The following RGS7 variants were observed in gnomAD, a reference collection of about 807,000 sequenced individuals.
RGS7 encodes the protein regulator of G protein signaling 7, also known as regulator of G-protein signaling 7.
Under a neutral mutation model 81.1 loss-of-function variants are expected in RGS7, and 27 were observed. That is an observed-to-expected ratio of 0.33 (90% CI 0.25 to 0.46). The LOEUF (loss-of-function observed/expected upper bound fraction) is 0.46. Among genes scored for constraint, RGS7 ranks in the 20% least tolerant of loss-of-function variants. RGS7 has a pLI of 1.00. For missense variants in RGS7, 396 were observed against 607.4 expected (o/e 0.65, Z 3.66); for synonymous variants, 208 against 207.7 (o/e 1.00, Z -0.01).
At chr1:240,916,155 G>T (rs1672576186) in intron 6 of RGS7, among the ~76,000 whole-genome samples, 1 of 148,928 alleles carries the variant, frequency 6.7e-6, no homozygotes, top group South Asian at 2.1e-4. Context: ...GCTCATGCTT[G>T]TAATGCCAGC....
chr1:241,221,814 G>A (rs1195023440), intron 2 of RGS7, among the ~76,000 whole-genome samples: 1 of 152,056 alleles, frequency 6.6e-6, no homozygotes, highest in Non-Finnish European at 1.5e-5. Context: ...CAAAGTTCTG[G>A]CCTATTCTAT....
intron 3 of RGS7, among the ~76,000 whole-genome samples, chr1:241,094,238 A>AACACACAC (rs149481776): frequency 0.017 from 2,282 of 136,430 alleles, 71 homozygotes; most frequent in African/African-American, 0.056. Context: ...GACATACATA[A>AACACACAC]ACACACACAC....
intron 2 of RGS7, among the ~76,000 whole-genome samples, chr1:241,349,617 CAGAA>C (rs2083110065): frequency 6.6e-6 from 1 of 152,170 alleles, no homozygotes. Flanking sequence ...GGGCAAATGG[CAGAA>C]AGAAGTGGGC....
At chr1:240,976,870 T>TCTAC (rs1243272740) in intron 4 of RGS7, among the ~76,000 whole-genome samples, 1 of 150,272 alleles carries the variant, frequency 6.7e-6, no homozygotes, top group African/African-American at 2.4e-5. Flanking sequence ...CCATCCATCA[T>TCTAC]CTATCTGTCT....
At chr1:240,945,152 C>T (rs1403066534) in intron 4 of RGS7, among the ~76,000 whole-genome samples, 1 of 152,228 alleles carries the variant, frequency 6.6e-6, no homozygotes, top group Non-Finnish European at 1.5e-5. Flanking sequence ...TTATTTTTGC[C>T]TCCTTGTGTC....
intron 6 of RGS7, among the ~76,000 whole-genome samples, chr1:240,928,422 G>C (rs1674835531): frequency 6.6e-6 from 1 of 152,100 alleles, no homozygotes; most frequent in Non-Finnish European, 1.5e-5. Context: ...TTTAAGAGAT[G>C]TTCTGTAAAT....
chr1:240,954,274 AC>A (rs2148447018), intron 4 of RGS7, among the ~76,000 whole-genome samples: 1 of 152,216 alleles, frequency 6.6e-6, no homozygotes, highest in African/African-American at 2.4e-5. Context: ...TTAACTTAAT[AC>A]TAAAGTCAGA....
chr1:240,845,674 T>C (rs914483297), intron 9 of RGS7, among the ~76,000 whole-genome samples: 2 of 152,232 alleles, frequency 1.3e-5, no homozygotes, highest in African/African-American at 4.8e-5. Context: ...ATAAGTGGTA[T>C]GATAAATCTA....
chr1:241,109,054 A>G (rs977166729), intron 2 of RGS7, among the ~76,000 whole-genome samples: 4 of 152,152 alleles, frequency 2.6e-5, no homozygotes, highest in African/African-American at 9.7e-5. Flanking sequence ...CCTGGGAACA[A>G]GTTTAAATAT....
chr1:240,913,773 A>G (rs1450024612), intron 6 of RGS7, among the ~76,000 whole-genome samples: 3 of 151,708 alleles, frequency 2.0e-5, no homozygotes, highest in African/African-American at 4.9e-5. Context: ...GTTATCCCAG[A>G]GCATCTGTAA....
intron 6 of RGS7, among the ~76,000 whole-genome samples, chr1:240,898,691 C>T (rs966220514): frequency 4.7e-4 from 72 of 152,238 alleles, no homozygotes; most frequent in African/African-American, 1.7e-3. Context: ...CTGAGGAGTG[C>T]TTTACTTCCA....
intron 4 of RGS7, among the ~76,000 whole-genome samples, chr1:240,956,458 C>T (rs1402114901): frequency 6.6e-6 from 1 of 151,766 alleles, no homozygotes; most frequent in Non-Finnish European, 1.5e-5. Flanking sequence ...GAAACATCTT[C>T]CCTGCCAAGA....
chr1:241,341,730 G>T (rs577237496), intron 2 of RGS7, among the ~76,000 whole-genome samples: 1 of 152,092 alleles, frequency 6.6e-6, no homozygotes, highest in Non-Finnish European at 1.5e-5. Flanking sequence ...ACTCTAAGAC[G>T]CAGGTACTAT....
chr1:241,107,506 T>C (rs1426242690), intron 2 of RGS7, among the ~76,000 whole-genome samples: 2 of 152,206 alleles, frequency 1.3e-5, no homozygotes, highest in African/African-American at 2.4e-5. Flanking sequence ...CCTTGGAATG[T>C]AGTAAACTAT....
At chr1:240,900,960 C>A (rs113573458) in intron 6 of RGS7, among the ~76,000 whole-genome samples, 19,451 of 152,092 alleles carry the variant, frequency 0.13, 1,356 homozygotes, top group Middle Eastern at 0.18. Flanking sequence ...AGCTTCCTGG[C>A]CGATTTGTTT....
chr1:241,195,266 A>AGGAGTTCG (rs2072981561), intron 2 of RGS7, among the ~76,000 whole-genome samples: 1 of 152,194 alleles, frequency 6.6e-6, no homozygotes, highest in South Asian at 2.1e-4. Flanking sequence ...ACCTGAGGTC[A>AGGAGTTCG]GGAGTTCGAG....
chr1:241,170,955 T>C (rs2070691780), intron 2 of RGS7, among the ~76,000 whole-genome samples: 1 of 152,140 alleles, frequency 6.6e-6, no homozygotes, highest in African/African-American at 2.4e-5. Context: ...ATAGGAGTAA[T>C]CTAATTAGAC....
At chr1:241,312,463 G>C (rs2080600410) in intron 2 of RGS7, among the ~76,000 whole-genome samples, 1 of 152,070 alleles carries the variant, frequency 6.6e-6, no homozygotes, top group South Asian at 2.1e-4. Context: ...GTCAAATTTT[G>C]GTAATTCTTC....
intron 2 of RGS7, among the ~76,000 whole-genome samples, chr1:241,112,806 C>T (rs951582374): frequency 3.3e-5 from 5 of 152,168 alleles, no homozygotes; most frequent in African/African-American, 1.2e-4. Context: ...GGCACTACAA[C>T]GTTAAGATGG....
Sources: gnomAD v4.1 joint callset for allele counts (sites outside exome capture counted in the v4.1 genomes callset) on GRCh38, gnomAD v4.1.1 for gene constraint, MANE v1.5 for transcripts, NCBI Gene and HGNC (gene_info 2026-07-23, HGNC 2026-07-21) for gene names.